Variants in PALS1 observed in about 807,000 individuals in gnomAD.
PALS1 encodes protein associated with LIN7 1, MAGUK p55 family member.
A neutral mutation model predicts 78.9 loss-of-function variants in PALS1; 31 were observed. The observed-to-expected ratio is 0.39, with a 90% CI of 0.30 to 0.53. PALS1 has a LOEUF of 0.53. Ranked by LOEUF, PALS1 falls within the 20% of genes least tolerant of loss-of-function variation. PALS1 has a pLI of 0.67. For synonymous variants in PALS1, 276 were observed against 270.9 expected (o/e 1.02, Z -0.18); for missense variants, 704 against 826.5 (o/e 0.85, Z 1.82).
Position 67,332,921 on chromosome 14 carries a change from G to A in PALS1, c.1993G>A (p.Glu665Lys). 1 of 1,613,458 alleles carries A rather than the reference G, an allele frequency of 6.2e-7. No homozygotes were observed. The highest frequency in any genetic ancestry group is 8.5e-7 in the Non-Finnish European group (1 of 1,179,496). The change falls in exon 15 of 15, where the codon GAA becomes AAA. Residue 665 changes from glutamate (E) to lysine (K), a missense_variant. By Grantham distance (56) the Glu-to-Lys change is moderately conservative. Coordinates refer to ENST00000261681, the MANE Select transcript of PALS1 (RefSeq NM_022474.4). ...TAGGTTAATTAACAAACTTGATACT[G>A]AACCTCAGTGGGTACCATCCACTTG... is the stretch of plus-strand genomic sequence containing the variant. ...LLRLINKLDT[E>K]PQWVPSTWLR is the part of the protein sequence containing the mutation.
intron 2 of PALS1, among the ~76,000 whole-genome samples, chr14:67,275,961 G>A (rs1037751081): frequency 9.9e-5 from 15 of 152,090 alleles, no homozygotes; most frequent in Non-Finnish European, 7.4e-5. Flanking sequence ...GGGGTTGGTG[G>A]TGATACCCCC....
rs758419057 is a variant in PALS1, at chr14:67,312,557, C to T, written c.1072C>T (p.Pro358Ser). Residue 358 changes from proline (P) to serine (S), a missense_variant, in exon 9 of 15, where the codon CCC (proline) becomes TCC (serine). Pro to Ser is a moderately conservative substitution (Grantham distance 74). Coordinates refer to ENST00000261681, the MANE Select transcript of PALS1 (RefSeq NM_022474.4). Reference sequence around the variant, plus strand: ...TGTAAAAGCTCATTTTGACTATGACCCCTCAGATGACCCTTATGTTCCATG... The same window carrying T: ...TGTAAAAGCTCATTTTGACTATGACTCCTCAGATGACCCTTATGTTCCATG... ...IHVKAHFDYD[P>S]SDDPYVPCRE... The T allele has an allele frequency of 1.2e-6, 2 of 1,602,130 alleles. No homozygotes were observed. The highest frequency in any genetic ancestry group is 2.2e-5 in the East Asian group (1 of 44,562).
intron 1 of PALS1, among the ~76,000 whole-genome samples, chr14:67,256,499 C>G (rs1394335215): frequency 6.6e-6 from 1 of 152,176 alleles, no homozygotes; most frequent in Non-Finnish European, 1.5e-5. Flanking sequence ...ATTACCATTT[C>G]AACTTGTAGT....
chr14:67,305,039 T>A lies in PALS1; in HGVS notation c.1041+1440T>A, dbSNP rs2084980545. Among the ~76,000 whole-genome samples the A allele has an allele frequency of 2.0e-5, 3 of 152,332 alleles. No homozygotes were observed. The South Asian group carries it at 6.2e-4, about 32-fold the overall frequency. ...TGCAACCTACTTTATGTTTACAGTT[T>A]TTTTGCAGGAAGAGAAATGAGGAAA... On this transcript the variant is annotated intron_variant, in intron 8 of 14. Coordinates refer to ENST00000261681, the MANE Select transcript of PALS1 (RefSeq NM_022474.4).
At chr14:67,255,943 T>G (rs2084138699) in intron 1 of PALS1, among the ~76,000 whole-genome samples, 1 of 152,234 alleles carries the variant, frequency 6.6e-6, no homozygotes, top group South Asian at 2.1e-4. Flanking sequence ...TGCTTTGGCC[T>G]CCCAAAGTGC....
At chr14:67,327,723 A>G (rs893955493) in intron 14 of PALS1, among the ~76,000 whole-genome samples, 1 of 151,834 alleles carries the variant, frequency 6.6e-6, no homozygotes, top group African/African-American at 2.4e-5. Flanking sequence ...CCCACTTATG[A>G]GTGAGAACAT....
intron 1 of PALS1, chr14:67,241,834 G>GGGC (rs2083909803): frequency 6.6e-6 from 1 of 152,080 alleles, no homozygotes; most frequent in Non-Finnish European, 1.5e-5. Context: ...GAGGTGCAGG[G>GGGC]GGCGCGGCGG....
At chr14:67,291,656 G>A (rs2084775845) in intron 3 of PALS1, among the ~76,000 whole-genome samples, 1 of 152,126 alleles carries the variant, frequency 6.6e-6, no homozygotes, top group Admixed American at 6.6e-5. Flanking sequence ...ACACTAACAG[G>A]CAGACACAAT....
At chr14:67,268,413 G>C (rs2084362548) in intron 1 of PALS1, among the ~76,000 whole-genome samples, 1 of 152,204 alleles carries the variant, frequency 6.6e-6, no homozygotes, top group Admixed American at 6.5e-5. Context: ...CAAGTCCATA[G>C]AGTAAAATGA....
intron 3 of PALS1, among the ~76,000 whole-genome samples, chr14:67,285,230 G>A (rs947742788): frequency 1.3e-5 from 2 of 152,146 alleles, no homozygotes; most frequent in East Asian, 1.9e-4. Context: ...AAAAGAGTTG[G>A]AATTATTTAC....
chr14:67,326,614 C>T (rs2085362559), intron 14 of PALS1, among the ~76,000 whole-genome samples: 2 of 151,992 alleles, frequency 1.3e-5, no homozygotes. Context: ...TTCTTATGCC[C>T]CTTTGAAGTT....
At chr14:67,327,632 C>T (rs922468429) in intron 14 of PALS1, among the ~76,000 whole-genome samples, 4 of 152,032 alleles carry the variant, frequency 2.6e-5, no homozygotes, top group Non-Finnish European at 4.4e-5. Flanking sequence ...AATGCTATCC[C>T]TCCCCTCTCC....
At chr14:67,285,398 G>C (rs540995197) in intron 3 of PALS1, among the ~76,000 whole-genome samples, 3 of 140,226 alleles carry the variant, frequency 2.1e-5, no homozygotes, top group Non-Finnish European at 4.5e-5. Flanking sequence ...ACGGAGTCTC[G>C]CTCTGTCGCC....
At chr14:67,261,021 T>C (rs976589117) in intron 1 of PALS1, among the ~76,000 whole-genome samples, 2 of 152,170 alleles carry the variant, frequency 1.3e-5, no homozygotes, top group African/African-American at 4.8e-5. Flanking sequence ...CCATTTAGCT[T>C]TTGACATTGG....
At chr14:67,278,443 A>C (rs536901791) in intron 2 of PALS1, among the ~76,000 whole-genome samples, 49 of 151,970 alleles carry the variant, frequency 3.2e-4, no homozygotes, top group African/African-American at 1.2e-3. Context: ...TGCTAATTGA[A>C]GTTTCTTATT....
At chr14:67,256,165 A>G (rs945142523) in intron 1 of PALS1, among the ~76,000 whole-genome samples, 3 of 152,236 alleles carry the variant, frequency 2.0e-5, no homozygotes, top group Non-Finnish European at 4.4e-5. Flanking sequence ...TATTTGGTCT[A>G]TTATCCTCAT....
At chr14:67,280,853 TTCCCTCCCTCCCTCCC>T (rs71446332) in intron 3 of PALS1, among the ~76,000 whole-genome samples, 23 of 77,612 alleles carry the variant, frequency 3.0e-4, no homozygotes, top group African/African-American at 1.3e-3. Flanking sequence ...CCTTCCTTCC[TTCCCTCCCTCCCTCCC>T]TCCCTCCCTC....
rs184105113 is a variant in PALS1 at position 67,301,861 on chromosome 14, A to C, written c.655-111A>C. The C allele has an allele frequency of 4.1e-5, 49 of 1,195,872 alleles. No individual in the cohort carries two copies. In the African/African-American group the frequency reaches 6.9e-4, roughly 17 times the overall value. 74.1% of individuals were successfully genotyped at this position (1,195,872 alleles called of 1,614,324 possible). On this transcript the variant is annotated intron_variant, in intron 5 of 14. Coordinates refer to ENST00000261681, the MANE Select transcript of PALS1 (RefSeq NM_022474.4). ...TCTTTATTATTAGCTCTAATTAATT[A>C]TAACACTTTTAAAGATTTAATGGTC...
chr14:67,302,715 T>C, intron 7 of PALS1, 144 bp downstream of exon 7: 1 of 594,246 alleles, frequency 1.7e-6, no homozygotes, highest in Non-Finnish European at 2.6e-6. Context: ...TTCCACAGTA[T>C]TTGTTAGCAG....
Sources: gnomAD v4.1 joint callset for allele counts (sites outside exome capture counted in the v4.1 genomes callset) on GRCh38, gnomAD v4.1.1 for gene constraint, MANE v1.5 for transcripts, NCBI Gene and HGNC (gene_info 2026-07-23, HGNC 2026-07-21) for gene names.